Variants in MALRD1 observed in about 807,000 individuals in gnomAD.
The protein encoded by MALRD1 is MAM and LDL-receptor class A domain-containing protein 1.
Under a neutral mutation model 242.1 loss-of-function variants are expected in MALRD1, and 247 were observed. The ratio of observed to expected loss-of-function variants is 1.02; its 90% CI spans 0.92 to 1.13. MALRD1 has a LOEUF of 1.13. Ranked by LOEUF, MALRD1 falls within the 50% of genes most tolerant of loss-of-function variation. The pLI, the probability that MALRD1 is intolerant of heterozygous loss-of-function variation, is 0.00. For missense variants in MALRD1, 2,989 were observed against 2,533.1 expected (o/e 1.18, Z -3.86); for synonymous variants, 995 against 866.6 (o/e 1.15, Z -2.60).
chr10:19,168,985 C>T (rs2131515609), intron 13 of MALRD1, among the ~76,000 whole-genome samples: 1 of 152,252 alleles, frequency 6.6e-6, no homozygotes, highest in African/African-American at 2.4e-5. Flanking sequence ...AAAAAATTCC[C>T]TCACATTTCA....
At position 19,682,532 on chromosome 10, in the gene MALRD1, C is replaced by T. The variant is rs16919259; in HGVS notation, c.6138-9750C>T. The stretch of plus-strand genomic sequence containing the variant: ...TGAATGGAGCGGGATGTTTATCTCT[C>T]TCTTTCAGGTGGGCTCTGCCTAATA... On this transcript the variant is annotated intron_variant, in intron 36 of 39. Coordinates refer to ENST00000454679, the MANE Select transcript of MALRD1 (RefSeq NM_001142308.3). 7.4e-3 allele frequency among the ~76,000 whole-genome samples: 1,121 copies of T among 152,248 alleles called. 13 individuals carry two copies. Among genetic ancestry groups the T allele is most frequent in the African/African-American group, 0.024 (1,012 of 41,554 alleles).
intron 9 of MALRD1, among the ~76,000 whole-genome samples, chr10:19,136,372 G>C (rs1170224945): frequency 6.6e-6 from 1 of 151,620 alleles, no homozygotes; most frequent in African/African-American, 2.4e-5. Flanking sequence ...AAGTTTTAGG[G>C]AACATGTGCA....
intron 38 of MALRD1, among the ~76,000 whole-genome samples, chr10:19,730,029 G>T (rs576849248): frequency 2.0e-5 from 3 of 152,122 alleles, no homozygotes; most frequent in Non-Finnish European, 4.4e-5. Context: ...GAGCCACCAC[G>T]CCCGGCCTAT....
chr10:19,450,663 C>T (rs1202558536), intron 29 of MALRD1, among the ~76,000 whole-genome samples, 173 bp downstream of exon 29: 1 of 152,088 alleles, frequency 6.6e-6, no homozygotes, highest in Non-Finnish European at 1.5e-5. Flanking sequence ...GAGATAATAC[C>T]TATCTTAGTC....
chr10:19,143,507 A>G (rs1188378733), intron 10 of MALRD1, among the ~76,000 whole-genome samples: 1 of 152,174 alleles, frequency 6.6e-6, no homozygotes, highest in Non-Finnish European at 1.5e-5. Flanking sequence ...TATTGAGTTT[A>G]TTACCCAAAC....
intron 28 of MALRD1, among the ~76,000 whole-genome samples, chr10:19,410,550 A>G (rs1445576805): frequency 6.6e-6 from 1 of 152,180 alleles, no homozygotes; most frequent in African/African-American, 2.4e-5. Flanking sequence ...AAGTGTGAAC[A>G]TTGTGCACTT....
intron 18 of MALRD1, among the ~76,000 whole-genome samples, chr10:19,236,112 T>G (rs4596969): frequency 0.42 from 63,664 of 152,016 alleles, 13,761 homozygotes; most frequent in Admixed American, 0.56. Flanking sequence ...ATCTGTTATT[T>G]TATGAATAAA....
intron 21 of MALRD1, among the ~76,000 whole-genome samples, chr10:19,303,672 CTTA>C (rs1056712907): frequency 6.6e-6 from 1 of 151,644 alleles, no homozygotes; most frequent in African/African-American, 2.4e-5. Flanking sequence ...AATACATTAA[CTTA>C]TTTTCATTAA....
intron 21 of MALRD1, among the ~76,000 whole-genome samples, chr10:19,299,657 T>C (rs1841858343): frequency 6.6e-6 from 1 of 152,034 alleles, no homozygotes; most frequent in Non-Finnish European, 1.5e-5. Context: ...GAAAAGGCTT[T>C]CCATAAAATT....
intron 34 of MALRD1, among the ~76,000 whole-genome samples, chr10:19,602,859 T>G (rs1310687065): frequency 6.6e-6 from 1 of 152,136 alleles, no homozygotes; most frequent in Non-Finnish European, 1.5e-5. Context: ...CAGCACCTGT[T>G]GTTTCCTGAC....
At chr10:19,306,279 C>G (rs1194490700) in intron 21 of MALRD1, among the ~76,000 whole-genome samples, 1 of 133,472 alleles carries the variant, frequency 7.5e-6, no homozygotes, top group African/African-American at 2.8e-5. Flanking sequence ...ACTATATATA[C>G]CGTATATAGT....
intron 31 of MALRD1, among the ~76,000 whole-genome samples, chr10:19,524,490 C>T (rs183711740): frequency 3.3e-5 from 5 of 151,800 alleles, no homozygotes; most frequent in South Asian, 2.1e-4. Flanking sequence ...TGCAGATGCA[C>T]GTTGGAAATC....
chr10:19,730,030 C>A (rs1212188402), intron 38 of MALRD1, among the ~76,000 whole-genome samples: 1 of 152,120 alleles, frequency 6.6e-6, no homozygotes, highest in Non-Finnish European at 1.5e-5. Context: ...AGCCACCACG[C>A]CCGGCCTATA....
chr10:19,272,913 T>G, intron 19 of MALRD1, among the ~76,000 whole-genome samples: 1 of 152,216 alleles, frequency 6.6e-6, no homozygotes, highest in East Asian at 1.9e-4. Flanking sequence ...TGCCACATTT[T>G]CTTTATCCAG....
intron 10 of MALRD1, among the ~76,000 whole-genome samples, chr10:19,137,327 C>T (rs572884488): frequency 1.1e-4 from 17 of 152,070 alleles, no homozygotes; most frequent in African/African-American, 1.9e-4. Context: ...TTCAGCCAGC[C>T]GGGTGCAATG....
intron 18 of MALRD1, among the ~76,000 whole-genome samples, chr10:19,223,450 C>T (rs958713136): frequency 6.6e-6 from 1 of 151,888 alleles, no homozygotes; most frequent in Non-Finnish European, 1.5e-5. Context: ...AACATACATT[C>T]TATCTTGCTT....
intron 2 of MALRD1, among the ~76,000 whole-genome samples, chr10:19,087,215 C>T (rs1351521078): frequency 2.0e-5 from 3 of 152,010 alleles, no homozygotes; most frequent in South Asian, 2.1e-4. Context: ...CATCGAATTG[C>T]TTATTTTGGT....
Position 19,204,191 on chromosome 10 carries a change from A to G in MALRD1, c.2105-117A>G, listed in dbSNP as rs1836679060. On this transcript the variant is annotated intron_variant, in intron 15 of 39. Coordinates refer to ENST00000454679, the MANE Select transcript of MALRD1 (RefSeq NM_001142308.3). Reference sequence around the variant, plus strand: ...CTAAGAGTCACTGATTGATTATTGTATAATTTTAATTTCAGTTAGACAATG... The same window carrying G: ...CTAAGAGTCACTGATTGATTATTGTGTAATTTTAATTTCAGTTAGACAATG... 1.9e-5 allele frequency: 14 copies of G among 720,622 alleles called. No individual in the cohort carries two copies. In the South Asian group the frequency reaches 2.4e-4, roughly 12 times the overall value. 44.6% of individuals were successfully genotyped at this position (720,622 alleles called of 1,614,324 possible). A position where few individuals can be genotyped will look rare whatever the true frequency, so the allele number is the denominator to read the frequency against.
intron 9 of MALRD1, among the ~76,000 whole-genome samples, chr10:19,134,543 TTA>T (rs1448099580): frequency 1.8e-5 from 2 of 111,846 alleles, no homozygotes; most frequent in Non-Finnish European, 2.2e-5. Context: ...ATGTGTAAGT[TTA>T]TTTATGCTGG....
Sources: gnomAD v4.1 joint callset for allele counts (sites outside exome capture counted in the v4.1 genomes callset) on GRCh38, gnomAD v4.1.1 for gene constraint, MANE v1.5 for transcripts, NCBI Gene and HGNC (gene_info 2026-07-23, HGNC 2026-07-21) for gene names.